The following SNTG1 variants were observed in gnomAD, a reference collection of about 807,000 sequenced individuals.
The protein encoded by SNTG1 is syntrophin gamma 1, also known as gamma-1-syntrophin.
A neutral mutation model predicts 74.7 loss-of-function variants in SNTG1; 39 were observed. The observed-to-expected ratio is 0.52, with a 90% CI of 0.40 to 0.68. The LOEUF is 0.68. Ranked by LOEUF, SNTG1 falls within the 30% of genes least tolerant of loss-of-function variation. SNTG1 has a pLI of 0.00. For synonymous variants in SNTG1, 254 were observed against 217.1 expected, an observed-to-expected ratio of 1.17 and a Z score of -1.49; for missense variants, 685 against 609.5, an observed-to-expected ratio of 1.12 and a Z score of -1.30.
At chr8:50,179,932 T>C (rs2083140091) in intron 2 of SNTG1, among the ~76,000 whole-genome samples, 1 of 152,230 alleles carries the variant, frequency 6.6e-6, no homozygotes, top group South Asian at 2.1e-4. Flanking sequence ...CTGCTGGTTA[T>C]ATACCCAAAG....
intron 2 of SNTG1, among the ~76,000 whole-genome samples, chr8:50,304,780 C>T (rs188110845): frequency 1.6e-4 from 25 of 152,318 alleles, no homozygotes; most frequent in African/African-American, 4.6e-4. Context: ...GATCCACCAT[C>T]GGATAGAATT....
At chr8:50,273,188 T>G (rs2087883304) in intron 2 of SNTG1, among the ~76,000 whole-genome samples, 1 of 152,180 alleles carries the variant, frequency 6.6e-6, no homozygotes, top group Non-Finnish European at 1.5e-5. Context: ...TAACAAATCT[T>G]AGGATGTTAT....
At chr8:50,586,489 T>C (rs941711337) in intron 12 of SNTG1, among the ~76,000 whole-genome samples, 2 of 152,110 alleles carry the variant, frequency 1.3e-5, no homozygotes, top group Admixed American at 1.3e-4. Flanking sequence ...CCTCCTTGGA[T>C]TGTTTGGATT....
chr8:50,123,928 A>T (rs2081067998), intron 1 of SNTG1, among the ~76,000 whole-genome samples: 1 of 142,686 alleles, frequency 7.0e-6, no homozygotes, highest in Admixed American at 7.2e-5. Flanking sequence ...CTTTTAACAA[A>T]ATTGAATATA....
chr8:50,776,237 T>C (rs1222524773), intron 18 of SNTG1, among the ~76,000 whole-genome samples: 1 of 150,772 alleles, frequency 6.6e-6, no homozygotes, highest in Admixed American at 6.6e-5. Flanking sequence ...ATCCATAGCA[T>C]TTTTGAGCAT....
Position 50,704,837 on chromosome 8 carries a change from T to G in SNTG1, c.1191+85T>G, listed in dbSNP as rs969418797. On this transcript the variant is annotated intron_variant, in intron 16 of 18. Coordinates refer to ENST00000642720, the MANE Select transcript of SNTG1 (RefSeq NM_018967.5). Reference sequence around the variant, plus strand: ...GAGTTCTAATATCATTCCAAAGTAGTGTAAAAATACAGTTCTGGGAATCTT... The same window carrying G: ...GAGTTCTAATATCATTCCAAAGTAGGGTAAAAATACAGTTCTGGGAATCTT... 2.0e-6 allele frequency: 3 copies of G among 1,467,344 alleles called. No individual in the cohort carries two copies. In the African/African-American group the frequency reaches 4.2e-5, roughly 21 times the overall value. The allele number at this position is 1,467,344 out of a possible 1,614,324, so 90.9% of individuals were successfully genotyped here.
intron 1 of SNTG1, among the ~76,000 whole-genome samples, chr8:49,970,067 G>A (rs1245518650): frequency 6.6e-6 from 1 of 151,972 alleles, no homozygotes; most frequent in East Asian, 1.9e-4. Context: ...CCAATCTCAG[G>A]GTGACTTGAG....
At position 50,426,182 on chromosome 8, in the gene SNTG1, C is replaced by T. The variant is rs187150025; in HGVS notation, c.163-12361C>T. On this transcript the variant is annotated intron_variant, in intron 4 of 18. Transcript: ENST00000642720. ...GTATTTAGATTTTCTTAGTTTTCAT[C>T]GATAGTCCAGGATCGCATCCAGGAC... Among the ~76,000 whole-genome samples, 236 of 152,170 alleles carry T rather than the reference C, an allele frequency of 1.6e-3. 2 individuals are homozygous for T. Among genetic ancestry groups the T allele is most frequent in the Middle Eastern group, 0.01 (3 of 294 alleles).
At chr8:50,496,686 A>G (rs946001443) in intron 8 of SNTG1, among the ~76,000 whole-genome samples, 49 of 152,232 alleles carry the variant, frequency 3.2e-4, no homozygotes, top group African/African-American at 1.2e-3. Flanking sequence ...ATTTGAATTT[A>G]ATTTCTCTTT....
At chr8:50,009,084 T>A (rs1301603133) in intron 1 of SNTG1, among the ~76,000 whole-genome samples, 1 of 152,178 alleles carries the variant, frequency 6.6e-6, no homozygotes, top group East Asian at 1.9e-4. Flanking sequence ...TTCCCATGCT[T>A]ATTTGTAAGG....
chr8:50,773,329 A>G (rs1204073342), intron 18 of SNTG1, among the ~76,000 whole-genome samples: 1 of 152,106 alleles, frequency 6.6e-6, no homozygotes, highest in African/African-American at 2.4e-5. Flanking sequence ...GGGCACATGA[A>G]TGTGCCGAGC....
At chr8:50,297,214 G>A (rs1332629395) in intron 2 of SNTG1, among the ~76,000 whole-genome samples, 1 of 152,124 alleles carries the variant, frequency 6.6e-6, no homozygotes, top group African/African-American at 2.4e-5. Flanking sequence ...AACCCTAGTG[G>A]ATGCCAGAAA....
intron 18 of SNTG1, among the ~76,000 whole-genome samples, chr8:50,775,819 TTGA>T (rs1363764614): frequency 6.6e-6 from 1 of 151,608 alleles, no homozygotes; most frequent in Non-Finnish European, 1.5e-5. Context: ...ATATTTAGAG[TTGA>T]TATGTTTTTC....
At chr8:50,423,451 T>C (rs573163175) in intron 4 of SNTG1, among the ~76,000 whole-genome samples, 1 of 152,370 alleles carries the variant, frequency 6.6e-6, no homozygotes, top group African/African-American at 2.4e-5. Flanking sequence ...TTCCAAAAGT[T>C]CATTTATTCA....
At chr8:50,060,200 C>T (rs964178458) in intron 1 of SNTG1, among the ~76,000 whole-genome samples, 5 of 151,902 alleles carry the variant, frequency 3.3e-5, no homozygotes, top group Admixed American at 2.6e-4. Context: ...AAAATTGGGT[C>T]GTTTGTCTGC....
At chr8:50,161,991 T>C (rs1031828135) in intron 1 of SNTG1, among the ~76,000 whole-genome samples, 1 of 151,962 alleles carries the variant, frequency 6.6e-6, no homozygotes, top group African/African-American at 2.4e-5. Context: ...GGGAATGATA[T>C]TTAGGGAAGG....
Position 50,734,719 on chromosome 8 carries a change from C to T in SNTG1, c.1285-17282C>T, listed in dbSNP as rs2095521441. 2.8e-5 allele frequency among the ~76,000 whole-genome samples: 4 copies of T among 140,972 alleles called. No homozygotes were observed. The South Asian group carries it at 8.8e-4, about 31-fold the overall frequency. 92.5% of individuals were successfully genotyped at this position (140,972 alleles called of 152,430 possible). A position where few individuals can be genotyped will look rare whatever the true frequency, so the allele number is the denominator to read the frequency against. The stretch of plus-strand genomic sequence containing the variant: ...ATATATATATCTCTCTATATATGGA[C>T]ATTATATATCTATATATATGGACAT... On this transcript the variant is annotated intron_variant, in intron 17 of 18. Transcript: ENST00000642720.
intron 1 of SNTG1, among the ~76,000 whole-genome samples, chr8:50,082,083 C>T (rs1205805034): frequency 1.3e-5 from 2 of 152,186 alleles, no homozygotes; most frequent in African/African-American, 4.8e-5. Context: ...TCCATTTTAA[C>T]TCCAGAATTT....
chr8:50,209,215 G>A (rs536397455), intron 2 of SNTG1, among the ~76,000 whole-genome samples: 1 of 152,226 alleles, frequency 6.6e-6, no homozygotes, highest in East Asian at 1.9e-4. Flanking sequence ...GATAAACAAA[G>A]TGGCCAGGAA....
Sources: gnomAD v4.1 joint callset for allele counts (sites outside exome capture counted in the v4.1 genomes callset) on GRCh38, gnomAD v4.1.1 for gene constraint, MANE v1.5 for transcripts, NCBI Gene and HGNC (gene_info 2026-07-23, HGNC 2026-07-21) for gene names.